The following SAMSN1 variants were observed in gnomAD, a reference collection of about 807,000 sequenced individuals.
The protein encoded by SAMSN1 is SAM domain-containing protein SAMSN-1.
SAMSN1 carries 31 observed loss-of-function variants against 42.0 expected under a neutral mutation model. The observed-to-expected ratio is 0.74, with a 90% CI of 0.55 to 1.00. The LOEUF (loss-of-function observed/expected upper bound fraction) is 1.00. Ranked by LOEUF, SAMSN1 falls within the 50% of genes least tolerant of loss-of-function variation. SAMSN1 has a pLI of 0.00. For synonymous variants in SAMSN1, 178 were observed against 151.9 expected (o/e 1.17, Z -1.26); for missense variants, 464 against 439.4 (o/e 1.06, Z -0.50).
intron 2 of SAMSN1, among the ~76,000 whole-genome samples, chr21:14,622,617 A>T (rs1184594149): frequency 6.6e-6 from 1 of 152,252 alleles, no homozygotes; most frequent in African/African-American, 2.4e-5. Context: ...TTATGGGACT[A>T]TGTGAAAAGA....
At chr21:14,614,436 G>A (rs1982781374) in intron 3 of SAMSN1, among the ~76,000 whole-genome samples, 1 of 152,126 alleles carries the variant, frequency 6.6e-6, no homozygotes, top group South Asian at 2.1e-4. Flanking sequence ...GCAGAGGATA[G>A]GACTATGCTG....
At chr21:14,658,346 T>C (rs1983948220) in intron 1 of SAMSN1, among the ~76,000 whole-genome samples, 2 of 151,848 alleles carry the variant, frequency 1.3e-5, no homozygotes, top group African/African-American at 4.8e-5. Flanking sequence ...AGGAATTCAT[T>C]ACTCAAGGAA....
At chr21:14,637,715 G>GA (rs1013052987) in intron 2 of SAMSN1, among the ~76,000 whole-genome samples, 19 of 146,272 alleles carry the variant, frequency 1.3e-4, no homozygotes, top group South Asian at 4.3e-4. Flanking sequence ...TATCTTAACT[G>GA]AAAAAAAAAA....
chr21:14,592,429 C>T (rs1982114618), intron 7 of SAMSN1: 2 of 159,376 alleles, frequency 1.3e-5, no homozygotes, highest in African/African-American at 2.4e-5. Context: ...AGAACCTGCC[C>T]TTGTGTGCCG....
intron 1 of SAMSN1, among the ~76,000 whole-genome samples, chr21:14,583,145 T>C (rs183883331): frequency 6.6e-6 from 1 of 152,216 alleles, no homozygotes; most frequent in Non-Finnish European, 1.5e-5. Flanking sequence ...TTTCTAGTAA[T>C]GTAGAAAACA....
intron 2 of SAMSN1, among the ~76,000 whole-genome samples, chr21:14,518,110 A>C (rs1053672189): frequency 6.6e-6 from 1 of 152,220 alleles, no homozygotes; most frequent in African/African-American, 2.4e-5. Flanking sequence ...TGCTTTTGCC[A>C]TTGGCTTCCG....
intron 1 of SAMSN1, among the ~76,000 whole-genome samples, chr21:14,583,068 T>C (rs1568819133): frequency 2.0e-5 from 3 of 152,176 alleles, no homozygotes; most frequent in Admixed American, 6.5e-5. Flanking sequence ...AAAAGCCATA[T>C]CTGTAATACC....
chr21:14,653,701 C>G (rs1340248387), intron 1 of SAMSN1, among the ~76,000 whole-genome samples: 1 of 151,886 alleles, frequency 6.6e-6, no homozygotes, highest in African/African-American at 2.4e-5. Flanking sequence ...AATGGATACC[C>G]CATTCTCCAT....
At chr21:14,515,039 A>G (rs574823299) in intron 3 of SAMSN1, among the ~76,000 whole-genome samples, 67 of 152,304 alleles carry the variant, frequency 4.4e-4, no homozygotes, top group Non-Finnish European at 1.0e-4. Flanking sequence ...AGCTATGAGG[A>G]AGAAGAAATG....
At chr21:14,486,857 A>C (rs1258836291) in intron 7 of SAMSN1, among the ~76,000 whole-genome samples, 1 of 152,188 alleles carries the variant, frequency 6.6e-6, no homozygotes, top group Non-Finnish European at 1.5e-5. Context: ...TTCTATATTC[A>C]ACAGGCATTA....
exon 7 of SAMSN1, chr21:14,594,075 T>C (rs1982175166): frequency 1.4e-6 from 1 of 709,984 alleles, no homozygotes; most frequent in East Asian, 2.7e-5. Flanking sequence ...CATTCAGAGG[T>C]CACCTTAGAA....
chr21:14,537,616 C>A (rs1395405049), intron 1 of SAMSN1, among the ~76,000 whole-genome samples: 1 of 152,004 alleles, frequency 6.6e-6, no homozygotes, highest in Admixed American at 6.6e-5. Flanking sequence ...AAAAGTGCTG[C>A]CAGGTTGGAA....
chr21:14,567,013 G>T (rs990446715), intron 2 of SAMSN1, among the ~76,000 whole-genome samples: 1 of 151,982 alleles, frequency 6.6e-6, no homozygotes, highest in African/African-American at 2.4e-5. Flanking sequence ...AGTAAACTGG[G>T]CATTTTCTTT....
intron 6 of SAMSN1, among the ~76,000 whole-genome samples, chr21:14,499,267 T>A (rs1196782534): frequency 6.6e-6 from 1 of 152,122 alleles, no homozygotes; most frequent in Admixed American, 6.5e-5. Context: ...TAGTTTAAAA[T>A]TCATAGGTTT....
At chr21:14,588,888 T>C (rs570763096) in intron 7 of SAMSN1, among the ~76,000 whole-genome samples, 1 of 152,306 alleles carries the variant, frequency 6.6e-6, no homozygotes, top group South Asian at 2.1e-4. Context: ...TCTTTGTAAT[T>C]TAGAGTCTTC....
chr21:14,652,959 G>T (rs549486708), intron 1 of SAMSN1, among the ~76,000 whole-genome samples: 3 of 152,154 alleles, frequency 2.0e-5, no homozygotes, highest in African/African-American at 4.8e-5. Context: ...TATCATCAGA[G>T]AAATGCAAAT....
intron 2 of SAMSN1, among the ~76,000 whole-genome samples, chr21:14,580,785 T>TA (rs1305578395): frequency 6.6e-6 from 1 of 152,206 alleles, no homozygotes; most frequent in Non-Finnish European, 1.5e-5. Flanking sequence ...AAATATGTTA[T>TA]AAAATGTAGC....
chr21:14,497,499 T>A lies in SAMSN1; in HGVS notation c.919+943A>T, dbSNP rs141180888. ...TCTCAGCTACTCGGAGGCTGAGGCA[T>A]GAGAATCGCTTCAACCTGGGAGGCG... On this transcript the variant is annotated intron_variant, in intron 7 of 7. Coordinates refer to ENST00000400566, the MANE Select transcript of SAMSN1 (RefSeq NM_022136.5). Among the ~76,000 whole-genome samples the A allele has an allele frequency of 4.1e-3, 621 of 152,188 alleles. 6 individuals carry two copies. The highest frequency in any genetic ancestry group is 0.015 in the African/African-American group (609 of 41,534).
At chr21:14,585,272 C>T (rs1291492901), upstream of SAMSN1, 1 of 152,100 alleles carries the variant, frequency 6.6e-6, no homozygotes, top group Non-Finnish European at 1.5e-5. Flanking sequence ...ATTTTCTACT[C>T]TTTAGACCCT....
Sources: gnomAD v4.1 joint callset for allele counts (sites outside exome capture counted in the v4.1 genomes callset) on GRCh38, gnomAD v4.1.1 for gene constraint, MANE v1.5 for transcripts, NCBI Gene and HGNC (gene_info 2026-07-23, HGNC 2026-07-21) for gene names.